The following ST3GAL6 variants were observed in gnomAD, a reference collection of about 807,000 sequenced individuals.
ST3GAL6 encodes the protein ST3 beta-galactoside alpha-2,3-sialyltransferase 6, also known as type 2 lactosamine alpha-2,3-sialyltransferase.
Under a neutral mutation model 40.5 loss-of-function variants are expected in ST3GAL6, and 31 were observed. The observed-to-expected ratio is 0.77, with a 90% CI of 0.58 to 1.03. The LOEUF is 1.03. Among genes scored for constraint, ST3GAL6 ranks in the 50% least tolerant of loss-of-function variants. The pLI is 0.00. For missense variants in ST3GAL6, 357 were observed against 393.2 expected (o/e 0.91, Z 0.78); for synonymous variants, 129 against 136.9 (o/e 0.94, Z 0.40).
At chr3:98,742,708 T>C (rs1440658528) in intron 1 of ST3GAL6, among the ~76,000 whole-genome samples, 6 of 151,580 alleles carry the variant, frequency 4.0e-5, no homozygotes, top group African/African-American at 1.5e-4. Context: ...TTTTTTTTTT[T>C]TCTTTTTGAG....
upstream of ST3GAL6, among the ~76,000 whole-genome samples, chr3:98,761,443 A>G (rs79328900): frequency 6.6e-6 from 1 of 152,094 alleles, no homozygotes; most frequent in Non-Finnish European, 1.5e-5. Context: ...CCCCATCTCT[A>G]TTAAAAATAC....
chr3:98,781,198 A>C (rs996037706), intron 5 of ST3GAL6, among the ~76,000 whole-genome samples: 1 of 152,172 alleles, frequency 6.6e-6, no homozygotes, highest in Non-Finnish European at 1.5e-5. Context: ...TGAAGCTGGA[A>C]ACTATCATTC....
intron 8 of ST3GAL6, among the ~76,000 whole-genome samples, chr3:98,791,112 G>T (rs776619732): frequency 6.6e-6 from 1 of 152,104 alleles, no homozygotes; most frequent in African/African-American, 2.4e-5. Context: ...CGCTTTGAAG[G>T]CCATCTCAGT....
upstream of ST3GAL6, among the ~76,000 whole-genome samples, chr3:98,761,867 T>C (rs1937807545): frequency 6.6e-6 from 1 of 152,220 alleles, no homozygotes; most frequent in African/African-American, 2.4e-5. Flanking sequence ...CCAGTTCTTC[T>C]ATTTTTAGCA....
In ST3GAL6 at chr3:98,772,812, G is replaced by A. The variant is rs956599375; in HGVS notation, c.168-1G>A. ...AATCATTCTTTATCCTTTCCTTCCAGGTTTCATCAGTTTCACCCTTTTCTG... is the reference window on the plus strand; with the variant it reads ...AATCATTCTTTATCCTTTCCTTCCAAGTTTCATCAGTTTCACCCTTTTCTG... On this transcript the variant is annotated splice_acceptor_variant, in intron 3 of 9. Coordinates refer to ENST00000483910, the MANE Select transcript of ST3GAL6 (RefSeq NM_001323368.2). LOFTEE classifies it high-confidence loss of function. The A allele has an allele frequency of 1.2e-6, 2 of 1,609,632 alleles. No homozygotes were observed. The highest frequency in any genetic ancestry group is 1.7e-6 in the Non-Finnish European group (2 of 1,176,600).
chr3:98,781,083 G>A (rs949133852), intron 5 of ST3GAL6, among the ~76,000 whole-genome samples: 36 of 152,132 alleles, frequency 2.4e-4, no homozygotes, highest in African/African-American at 8.5e-4. Flanking sequence ...CAACCCAAAT[G>A]CCCATCAATG....
upstream of ST3GAL6, among the ~76,000 whole-genome samples, chr3:98,759,747 G>T (rs1179120531): frequency 6.6e-6 from 1 of 152,084 alleles, no homozygotes; most frequent in African/African-American, 2.4e-5. Context: ...GTTGTAAATT[G>T]CAATAATTGG....
At chr3:98,791,206 G>C (rs2107361581) in intron 8 of ST3GAL6, among the ~76,000 whole-genome samples, 1 of 152,324 alleles carries the variant, frequency 6.6e-6, no homozygotes, top group Non-Finnish European at 1.5e-5. Context: ...GATAAGGAAA[G>C]AGGATGCTTG....
chr3:98,764,768 G>T (rs537019641), intron 1 of ST3GAL6, among the ~76,000 whole-genome samples: 11 of 152,316 alleles, frequency 7.2e-5, no homozygotes, highest in African/African-American at 2.4e-4. Flanking sequence ...CAAGGTGGTT[G>T]TCAGGATGTC....
upstream of ST3GAL6, among the ~76,000 whole-genome samples, chr3:98,759,210 G>C (rs890235837): frequency 6.6e-6 from 1 of 152,214 alleles, no homozygotes; most frequent in Non-Finnish European, 1.5e-5. Flanking sequence ...AGAGATCATT[G>C]CTAGTAGCTA....
chr3:98,768,594 A>G (rs1044523426), intron 2 of ST3GAL6, 65 bp downstream of exon 2: 3 of 1,190,490 alleles, frequency 2.5e-6, no homozygotes, highest in Non-Finnish European at 3.7e-6. Context: ...TCCACAAATT[A>G]TAGTAGAGGG....
At chr3:98,766,482 C>T (rs1211683297) in intron 1 of ST3GAL6, among the ~76,000 whole-genome samples, 2 of 133,684 alleles carry the variant, frequency 1.5e-5, no homozygotes, top group African/African-American at 2.9e-5. Context: ...AGTGCAGTGG[C>T]GTGATCTCGG....
intron 2 of ST3GAL6, among the ~76,000 whole-genome samples, chr3:98,769,412 G>GAAGTC (rs1179441523): frequency 6.6e-6 from 1 of 152,206 alleles, no homozygotes. Flanking sequence ...AGAGAATTTT[G>GAAGTC]AAGTCTGATT....
At chr3:98,747,466 TGAAAC>T (rs1230561597) in intron 1 of ST3GAL6, among the ~76,000 whole-genome samples, 2 of 152,194 alleles carry the variant, frequency 1.3e-5, no homozygotes, top group African/African-American at 4.8e-5. Flanking sequence ...TATTTAAAAA[TGAAAC>T]GACAATTCTA....
At chr3:98,791,187 T>C (rs1456197134) in intron 8 of ST3GAL6, among the ~76,000 whole-genome samples, 1 of 152,208 alleles carries the variant, frequency 6.6e-6, no homozygotes, top group African/African-American at 2.4e-5. Flanking sequence ...GTTTTCAAGA[T>C]ATATGTAAGA....
intron 1 of ST3GAL6, among the ~76,000 whole-genome samples, chr3:98,766,405 CTTTTTTTTTT>C (rs369996406): frequency 6.7e-5 from 7 of 104,110 alleles, no homozygotes; most frequent in African/African-American, 2.0e-4. Flanking sequence ...AAATGTCATT[CTTTTTTTTTT>C]TTTTTTTTTT....
In ST3GAL6 at chr3:98,788,484, G is replaced by T. The variant is rs186157574; in HGVS notation, c.756+21G>T. On this transcript the variant is annotated intron_variant, in intron 8 of 9. Coordinates refer to ENST00000483910, the MANE Select transcript of ST3GAL6 (RefSeq NM_001323368.2). The stretch of plus-strand genomic sequence containing the variant: ...ATCAGGTATGTATTTATCTCTGCAT[G>T]GTTTCAAACTACAGATCTGGCTGAG... 2.0e-5 allele frequency: 31 copies of T among 1,581,756 alleles called. No homozygotes were observed. In the East Asian group the frequency reaches 6.7e-4, roughly 34 times the overall value.
intron 4 of ST3GAL6, 98 bp from the exon 5 acceptor site, chr3:98,773,822 G>T: frequency 1.1e-6 from 1 of 885,202 alleles, no homozygotes. Context: ...GGCCATGCTG[G>T]TTGGAAATGG....
At chr3:98,741,741 C>G (rs143537734) in intron 1 of ST3GAL6, among the ~76,000 whole-genome samples, 1,573 of 152,230 alleles carry the variant, frequency 0.01, 24 homozygotes, top group African/African-American at 0.036. Context: ...TAAATTTGGA[C>G]TTGGGGCTTA....
Sources: allele counts gnomAD v4.1 joint callset (sites outside exome capture counted in the v4.1 genomes callset), GRCh38; gene constraint gnomAD v4.1.1; transcripts MANE v1.5; gene names NCBI Gene and HGNC (gene_info 2026-07-23, HGNC 2026-07-21).